MDGA2: variants seen among roughly 807,000 people sequenced by gnomAD.
MDGA2 encodes MAM domain containing glycosylphosphatidylinositol anchor 2, also known as MAM domain-containing glycosylphosphatidylinositol anchor protein 2.
A neutral mutation model predicts 117.8 loss-of-function variants in MDGA2; 40 were observed. The observed-to-expected ratio is 0.34, with a 90% CI of 0.26 to 0.44. The LOEUF (loss-of-function observed/expected upper bound fraction) is 0.44, where lower values mean the gene tolerates loss of function less well. Ranked by LOEUF, MDGA2 falls within the 20% of genes least tolerant of loss-of-function variation. The probability of loss-of-function intolerance (pLI) is 1.00; values close to 1 mark genes in which losing one functional copy is unlikely to be tolerated. For missense variants in MDGA2, 1,123 were observed against 1,250.6 expected, an observed-to-expected ratio of 0.90 and a Z score of 1.54; for synonymous variants, 452 against 439.0, an observed-to-expected ratio of 1.03 and a Z score of -0.37.
intron 9 of MDGA2, among the ~76,000 whole-genome samples, chr14:46,934,189 T>A (rs532157273): frequency 6.6e-6 from 1 of 152,130 alleles, no homozygotes; most frequent in Non-Finnish European, 1.5e-5. Flanking sequence ...CTCTTGTTTG[T>A]CTATTATAGA....
At chr14:47,662,515 A>G (rs562715059) in intron 1 of MDGA2, among the ~76,000 whole-genome samples, 2 of 152,318 alleles carry the variant, frequency 1.3e-5, no homozygotes, top group East Asian at 3.9e-4. Context: ...AAGGCATTAA[A>G]TTAGTATCAA....
At chr14:47,088,385 GA>G (rs1890987406) in intron 6 of MDGA2, among the ~76,000 whole-genome samples, 1 of 152,100 alleles carries the variant, frequency 6.6e-6, no homozygotes. Flanking sequence ...GAATAATTGG[GA>G]CACCTGCACA....
intron 6 of MDGA2, among the ~76,000 whole-genome samples, chr14:47,087,576 T>C (rs762313887): frequency 2.0e-5 from 3 of 151,738 alleles, no homozygotes; most frequent in Non-Finnish European, 4.4e-5. Flanking sequence ...CAAAGGCCTA[T>C]TTACATATCT....
intron 8 of MDGA2, among the ~76,000 whole-genome samples, chr14:47,032,114 G>C (rs1040730207): frequency 2.0e-5 from 3 of 152,042 alleles, no homozygotes; most frequent in African/African-American, 2.4e-5. Context: ...ATAAAGCATA[G>C]CTTGTTATCT....
intron 1 of MDGA2, among the ~76,000 whole-genome samples, chr14:47,668,998 C>G (rs1423850715): frequency 1.3e-5 from 2 of 152,160 alleles, no homozygotes; most frequent in African/African-American, 4.8e-5. Flanking sequence ...GCCTCTATAC[C>G]TGGAACACAA....
At position 47,144,815 on chromosome 14, in the gene MDGA2, AT is replaced by A. The variant is rs60842690; in HGVS notation, c.596-542del. ...AGGCATGTGCTACCATGCCCGGCTA[AT>A]TTTTTTTTTTTTTTGTACAGACAGG... On this transcript the variant is annotated intron_variant, in intron 3 of 16. Coordinates refer to ENST00000399232, the MANE Select transcript of MDGA2 (RefSeq NM_001113498.3). Among the ~76,000 whole-genome samples, 1,257 of 130,378 alleles carry A rather than the reference AT, an allele frequency of 9.6e-3. 17 individuals carry two copies. Among genetic ancestry groups the A allele is most frequent in the African/African-American group, 0.014 (469 of 32,750 alleles). The allele number at this position is 130,378 out of a possible 152,430, so 85.5% of individuals were successfully genotyped here.
rs1594829110 is a variant in MDGA2 at position 47,383,642 on chromosome 14, G to A, written c.281-82092C>T. Among the ~76,000 whole-genome samples the A allele has an allele frequency of 2.0e-5, 3 of 152,082 alleles. No homozygotes were observed. The South Asian group carries it at 6.2e-4, about 32-fold the overall frequency. On this transcript the variant is annotated intron_variant, in intron 1 of 16. Coordinates refer to ENST00000399232, the MANE Select transcript of MDGA2 (RefSeq NM_001113498.3). The stretch of plus-strand genomic sequence containing the variant: ...CAACCTCCACTTCCTGGGTTCAAGC[G>A]ATTCTCCTGCCTTAGTCTCCTGAGT...
intron 1 of MDGA2, among the ~76,000 whole-genome samples, chr14:47,619,158 T>C (rs372788535): frequency 0.041 from 5,580 of 136,238 alleles, 337 homozygotes; most frequent in African/African-American, 0.14. Context: ...CACAGATACA[T>C]TATCTACAAA....
At chr14:47,211,902 T>G (rs939839747) in intron 3 of MDGA2, among the ~76,000 whole-genome samples, 6 of 152,224 alleles carry the variant, frequency 3.9e-5, no homozygotes, top group Non-Finnish European at 8.8e-5. Flanking sequence ...TACTTAACAT[T>G]TGTAAACCAT....
chr14:47,399,167 G>T (rs1471363916), intron 1 of MDGA2, among the ~76,000 whole-genome samples: 2 of 152,126 alleles, frequency 1.3e-5, no homozygotes, highest in Non-Finnish European at 2.9e-5. Flanking sequence ...ATAAGGGAAT[G>T]TACAGAAGAG....
chr14:47,597,845 T>TAC (rs35221587), intron 1 of MDGA2, among the ~76,000 whole-genome samples: 29,791 of 141,156 alleles, frequency 0.21, 3,374 homozygotes, highest in South Asian at 0.39. Flanking sequence ...CACACACACA[T>TAC]ACACACACAC....
At chr14:47,308,330 GAAT>G (rs1344477073) in intron 1 of MDGA2, among the ~76,000 whole-genome samples, 1 of 152,072 alleles carries the variant, frequency 6.6e-6, no homozygotes, top group Non-Finnish European at 1.5e-5. Flanking sequence ...GGACTGCAAA[GAAT>G]AATTACTTTA....
intron 9 of MDGA2, among the ~76,000 whole-genome samples, chr14:46,935,010 C>G (rs1057463613): frequency 3.2e-4 from 48 of 151,590 alleles, no homozygotes; most frequent in Non-Finnish European, 1.5e-5. Context: ...CACTTCATCT[C>G]CAGGTGGATA....
chr14:47,310,553 C>G (rs1431357142), intron 1 of MDGA2, among the ~76,000 whole-genome samples: 1 of 152,056 alleles, frequency 6.6e-6, no homozygotes, highest in African/African-American at 2.4e-5. Context: ...TTGTAGGGAA[C>G]TAAGCTTTCC....
intron 8 of MDGA2, among the ~76,000 whole-genome samples, chr14:46,968,937 A>G (rs1333359313): frequency 6.6e-6 from 1 of 152,174 alleles, no homozygotes; most frequent in Non-Finnish European, 1.5e-5. Context: ...CTATATACCA[A>G]TAATGAACTA....
chr14:46,917,909 G>A (rs1883963912), intron 10 of MDGA2, among the ~76,000 whole-genome samples: 1 of 152,100 alleles, frequency 6.6e-6, no homozygotes, highest in Admixed American at 6.5e-5. Flanking sequence ...TTAAATGACG[G>A]GATCTCTCTT....
At chr14:46,880,982 A>G (rs529242525) in intron 11 of MDGA2, among the ~76,000 whole-genome samples, 1 of 148,392 alleles carries the variant, frequency 6.7e-6, no homozygotes, top group Admixed American at 6.9e-5. Flanking sequence ...TTTTATGCAT[A>G]TAGTTAATAA....
intron 1 of MDGA2, among the ~76,000 whole-genome samples, chr14:47,364,313 A>G (rs995857815): frequency 1.2e-4 from 19 of 152,194 alleles, no homozygotes; most frequent in Admixed American, 9.8e-4. Flanking sequence ...AGCACAGGCT[A>G]GAGTGCAGGG....
intron 1 of MDGA2, among the ~76,000 whole-genome samples, chr14:47,607,301 G>A (rs1408970775): frequency 1.3e-5 from 2 of 152,032 alleles, no homozygotes; most frequent in South Asian, 2.1e-4. Context: ...ACAAAGATAG[G>A]TATTTCAATT....
Sources: allele counts gnomAD v4.1 joint callset (sites outside exome capture counted in the v4.1 genomes callset), GRCh38; gene constraint gnomAD v4.1.1; transcripts MANE v1.5; gene names NCBI Gene and HGNC (gene_info 2026-07-23, HGNC 2026-07-21).